Variants in GNA12 observed in about 807,000 individuals in gnomAD.
GNA12 encodes G protein subunit alpha 12.
GNA12 carries 9 observed loss-of-function variants against 26.0 expected under a neutral mutation model. The ratio of observed to expected loss-of-function variants is 0.35; its 90% CI spans 0.21 to 0.60. GNA12 has a LOEUF of 0.60. Ranked by LOEUF, GNA12 falls within the 20% of genes least tolerant of loss-of-function variation. The pLI is 0.78. For missense variants in GNA12, 405 were observed against 525.8 expected, an observed-to-expected ratio of 0.77 and a Z score of 2.25; for synonymous variants, 264 against 219.6, an observed-to-expected ratio of 1.20 and a Z score of -1.79.
intron 1 of GNA12, among the ~76,000 whole-genome samples, chr7:2,839,242 C>CT (rs71026571): frequency 0.25 from 38,232 of 151,376 alleles, 5,342 homozygotes; most frequent in Non-Finnish European, 0.3. Context: ...AAAATCTTTT[C>CT]TTTTTTTTTG....
intron 1 of GNA12, among the ~76,000 whole-genome samples, chr7:2,811,036 C>T (rs1281854736): frequency 6.6e-6 from 1 of 152,180 alleles, no homozygotes; most frequent in African/African-American, 2.4e-5. Flanking sequence ...TCCCAAGAAT[C>T]AGAAGAAACA....
At chr7:2,777,760 T>G (rs1160876931) in intron 2 of GNA12, among the ~76,000 whole-genome samples, 1 of 152,146 alleles carries the variant, frequency 6.6e-6, no homozygotes, top group East Asian at 1.9e-4. Flanking sequence ...AGCCACACAG[T>G]GTGTGGAACT....
At chr7:2,758,011 G>A (rs901495189) in intron 2 of GNA12, among the ~76,000 whole-genome samples, 1 of 152,146 alleles carries the variant, frequency 6.6e-6, no homozygotes, top group Non-Finnish European at 1.5e-5. Flanking sequence ...AAGCTCTACA[G>A]ACCTAATAAA....
chr7:2,769,558 G>T (rs181818501), intron 2 of GNA12, among the ~76,000 whole-genome samples: 4 of 151,862 alleles, frequency 2.6e-5, no homozygotes, highest in African/African-American at 9.7e-5. Context: ...GTGAAACCCC[G>T]TCTCTATTAA....
chr7:2,731,753 G>A lies in GNA12; in HGVS notation c.577-3C>T. ...TCTTGCTTACTAGGAAAGTAATTCT[G>A]TAAAATACAGGATGAGGCAGAAATT... On this transcript the variant is annotated splice_region_variant and splice_polypyrimidine_tract_variant and intron_variant, in intron 3 of 3. Coordinates refer to ENST00000275364, the MANE Select transcript of GNA12 (RefSeq NM_007353.3). The surrounding 1 kb of genome is among the most constrained non-coding windows in gnomAD (Gnocchi z 6.0). 6.8e-7 allele frequency: 1 copy of A among 1,477,050 alleles called. No individual in the cohort carries two copies. Among genetic ancestry groups the A allele is most frequent in the Non-Finnish European group, 9.1e-7 (1 of 1,097,038 alleles). 91.5% of individuals were successfully genotyped at this position (1,477,050 alleles called of 1,614,324 possible). A position where few individuals can be genotyped will look rare whatever the true frequency, so the allele number is the denominator to read the frequency against.
At chr7:2,780,051 C>CATATATAT (rs3996399) in intron 2 of GNA12, among the ~76,000 whole-genome samples, 1,070 of 61,638 alleles carry the variant, frequency 0.017, 34 homozygotes, top group Non-Finnish European at 0.023. Context: ...TTTCTGTGTA[C>CATATATAT]ATATATATAT....
intron 2 of GNA12, among the ~76,000 whole-genome samples, chr7:2,737,296 TTTTTTTTTTTG>T: frequency 8.5e-6 from 1 of 117,332 alleles, no homozygotes; most frequent in African/African-American, 3.3e-5. Flanking sequence ...TTTGTTTTTT[TTTTTTTTTTTG>T]AGATGGAGTC....
intron 2 of GNA12, among the ~76,000 whole-genome samples, chr7:2,752,177 A>T (rs1042938312): frequency 2.6e-5 from 4 of 152,226 alleles, no homozygotes; most frequent in Admixed American, 6.5e-5. Flanking sequence ...TAAGGAAGAA[A>T]AAAATACGAA....
intron 1 of GNA12, among the ~76,000 whole-genome samples, chr7:2,804,204 G>C (rs1188677888): frequency 6.6e-6 from 1 of 152,222 alleles, no homozygotes; most frequent in East Asian, 1.9e-4. Context: ...TGCTAATTCA[G>C]TGTTTTCGAA....
intron 2 of GNA12, among the ~76,000 whole-genome samples, chr7:2,738,666 CTGAG>C (rs1394248116): frequency 6.6e-6 from 1 of 151,878 alleles, no homozygotes; most frequent in Non-Finnish European, 1.5e-5. Flanking sequence ...GTAGCCCTCT[CTGAG>C]TATGTCTGAC....
intron 1 of GNA12, among the ~76,000 whole-genome samples, chr7:2,841,005 T>C (rs1311551525): frequency 6.6e-6 from 1 of 152,182 alleles, no homozygotes; most frequent in East Asian, 1.9e-4. Flanking sequence ...TCACGACACA[T>C]GAAGTGAGTT....
At chr7:2,768,106 T>G (rs1791852402) in intron 2 of GNA12, among the ~76,000 whole-genome samples, 1 of 152,206 alleles carries the variant, frequency 6.6e-6, no homozygotes, top group Middle Eastern at 3.2e-3. Context: ...CCACCTGCCT[T>G]GGCCTCCCAA....
rs140618082 is a variant in GNA12, at chr7:2,803,444, G to C, written c.310-8301C>G. ...AGCTAAAGCAGGAGAGTGATCAGGA[G>C]CCCCCTAAGTGCTCTCACCCCAAGT... On this transcript the variant is annotated intron_variant, in intron 1 of 3. Coordinates refer to ENST00000275364, the MANE Select transcript of GNA12 (RefSeq NM_007353.3). Among the ~76,000 whole-genome samples the C allele has an allele frequency of 2.6e-3, 401 of 152,314 alleles. 3 individuals carry two copies. Among genetic ancestry groups the C allele is most frequent in the Non-Finnish European group, 4.8e-3 (325 of 68,018 alleles).
At chr7:2,742,604 T>G (rs1014106824) in intron 2 of GNA12, among the ~76,000 whole-genome samples, 1 of 152,226 alleles carries the variant, frequency 6.6e-6, no homozygotes, top group Non-Finnish European at 1.5e-5. Context: ...CGCCGGCCCT[T>G]TGCGTTTCCA....
At chr7:2,811,863 C>G (rs375856420) in intron 1 of GNA12, among the ~76,000 whole-genome samples, 1 of 152,244 alleles carries the variant, frequency 6.6e-6, no homozygotes, top group African/African-American at 2.4e-5. Flanking sequence ...CCAGTGTCTA[C>G]TTCTCAAAAA....
At position 2,728,598 on chromosome 7, in the gene GNA12, TGAG is replaced by T. The variant is rs1789727859; in HGVS notation, c.*2580_*2582del. On this transcript the variant is annotated 3_prime_UTR_variant, in exon 4 of 4. Coordinates refer to ENST00000275364, the MANE Select transcript of GNA12 (RefSeq NM_007353.3). ...TTTATTGTTACATTTTTGCAATAAT[TGAG>T]GCACAACTACCTCCTGCTTTTCCAA... 6.6e-6 allele frequency: 1 copy of T among 152,598 alleles called. No individual in the cohort carries two copies. The highest frequency in any genetic ancestry group is 2.4e-5 in the African/African-American group (1 of 41,448). 9.5% of individuals were successfully genotyped at this position (152,598 alleles called of 1,614,324 possible). A position where few individuals can be genotyped will look rare whatever the true frequency, so the allele number is the denominator to read the frequency against.
At chr7:2,780,046 G>GTATATATATATATGTA (rs1338485354) in intron 2 of GNA12, among the ~76,000 whole-genome samples, 4 of 85,824 alleles carry the variant, frequency 4.7e-5, no homozygotes, top group Admixed American at 1.4e-4. Flanking sequence ...ACACATTTCT[G>GTATATATATATATGTA]TGTACATATA....
intron 2 of GNA12, among the ~76,000 whole-genome samples, chr7:2,737,274 G>GTTTTTTTTTTTTGTTTT (rs1790243875): frequency 2.9e-5 from 1 of 35,032 alleles, no homozygotes; most frequent in African/African-American, 9.9e-5. Context: ...GTTTTGTTTT[G>GTTTTTTTTTTTTGTTTT]TTTTTTTTTT....
chr7:2,807,694 G>C (rs1053751370), intron 1 of GNA12, among the ~76,000 whole-genome samples: 1 of 151,956 alleles, frequency 6.6e-6, no homozygotes, highest in East Asian at 1.9e-4. Flanking sequence ...AGACCAAATG[G>C]AAAAAAGCTG....
Sources: allele counts gnomAD v4.1 joint callset (sites outside exome capture counted in the v4.1 genomes callset), GRCh38; gene constraint gnomAD v4.1.1; non-coding constraint Gnocchi (gnomAD v3.1); transcripts MANE v1.5; gene names NCBI Gene and HGNC (gene_info 2026-07-23, HGNC 2026-07-21).